The following IPO7 variants were observed in gnomAD, a reference collection of about 807,000 sequenced individuals.
IPO7 encodes the protein importin-7.
IPO7 carries 13 observed loss-of-function variants against 136.4 expected under a neutral mutation model. That is an observed-to-expected ratio of 0.10 (90% confidence interval 0.06 to 0.15). The LOEUF (loss-of-function observed/expected upper bound fraction) is 0.15. IPO7 is among the 10% of genes least tolerant of loss of function. The pLI is 1.00. For synonymous variants in IPO7, 403 were observed against 404.4 expected, an observed-to-expected ratio of 1.00 and a Z score of 0.04; for missense variants, 857 against 1,240.6, an observed-to-expected ratio of 0.69 and a Z score of 4.65.
In IPO7 at chr11:9,430,575, A is replaced by G. The variant is rs200664040; in HGVS notation, c.1753-300A>G. On this transcript the variant is annotated intron_variant, in intron 15 of 24. Coordinates refer to ENST00000379719, the MANE Select transcript of IPO7 (RefSeq NM_006391.3). ...GTGTTAACCAGTAATATTAATGAAA[A>G]CTATTCATAATATTAAGTACTTTTT... is the stretch of plus-strand genomic sequence containing the variant. 92 of 250,862 alleles carry G rather than the reference A, an allele frequency of 3.7e-4. No homozygotes were observed. The East Asian group carries it at 7.4e-3, about 20-fold the overall frequency. 15.5% of individuals were successfully genotyped at this position (250,862 alleles called of 1,614,324 possible).
intron 1 of IPO7, among the ~76,000 whole-genome samples, chr11:9,385,749 T>C (rs898668016): frequency 6.6e-5 from 10 of 152,150 alleles, no homozygotes; most frequent in Admixed American, 5.9e-4. Flanking sequence ...CCATATTTTG[T>C]GGGGACCGCT....
At position 9,417,089 on chromosome 11, in the gene IPO7, C is replaced by G; in HGVS notation, c.667C>G (p.Gln223Glu). The change falls in exon 6 of 25, where the codon CAG (glutamine) becomes GAG (glutamate). Residue 223 changes from glutamine (Q) to glutamate (E), a missense_variant. Gln to Glu is a conservative substitution (Grantham distance 29, BLOSUM62 2). Around this residue, in one of 11 missense-constraint regions of IPO7, gnomAD observed 287 missense variants for 307.5 expected, o/e 0.93. Coordinates refer to ENST00000379719, the MANE Select transcript of IPO7 (RefSeq NM_006391.3). ...ACTACCACTGGAACTGATAAACCAA[C>G]AGAACCTGACAGAATGGATAGAAAT... is the stretch of plus-strand genomic sequence containing the variant. The part of the protein sequence containing the change: ...YTLPLELINQ[Q>E]NLTEWIEILK... 1 of 1,563,748 alleles carries G rather than the reference C, an allele frequency of 6.4e-7. No individual in the cohort carries two copies. The highest frequency in any genetic ancestry group is 8.8e-7 in the Non-Finnish European group (1 of 1,135,956).
intron 20 of IPO7, 147 bp from the exon 21 acceptor site, chr11:9,437,607 G>C: frequency 1.6e-6 from 1 of 641,120 alleles, no homozygotes; most frequent in Non-Finnish European, 2.7e-6. Context: ...TCTAAAATTA[G>C]ATTTCCCAGT....
chr11:9,414,619 C>CTTTTTTTTTTTTTTTTT lies in IPO7; in HGVS notation c.636+219_636+235dup, dbSNP rs1164303193. ...AAATACATAAACAACCCTAATGAATCTTTTTTTTTTTTTTTTTTTTTTTTT... is the reference window on the plus strand; with the variant it reads ...AAATACATAAACAACCCTAATGAATCTTTTTTTTTTTTTTTTTTTTTTTTTTTTTTTTTTTTTTTTTT... On this transcript the variant is annotated intron_variant, in intron 5 of 24. Transcript: ENST00000379719. 2.0e-4 allele frequency: 14 copies of CTTTTTTTTTTTTTTTTT among 71,068 alleles called. 4 individuals are homozygous for CTTTTTTTTTTTTTTTTT. Among genetic ancestry groups the CTTTTTTTTTTTTTTTTT allele is most frequent in the Non-Finnish European group, 2.9e-4 (11 of 38,222 alleles). The allele number at this position is 71,068 out of a possible 1,614,324, so 4.4% of individuals were successfully genotyped here.
intron 22 of IPO7, among the ~76,000 whole-genome samples, chr11:9,439,111 G>GT (rs1855425175): frequency 1.3e-5 from 2 of 151,840 alleles, no homozygotes; most frequent in South Asian, 2.1e-4. Flanking sequence ...CCAGTTTTTT[G>GT]TTTTTTGGCT....
chr11:9,403,967 T>C (rs1256631247), intron 2 of IPO7, among the ~76,000 whole-genome samples: 1 of 152,152 alleles, frequency 6.6e-6, no homozygotes, highest in African/African-American at 2.4e-5. Context: ...GTTCAAGCGA[T>C]TCTTCTGCCT....
chr11:9,400,252 A>G (rs1223978085), intron 1 of IPO7, among the ~76,000 whole-genome samples: 1 of 152,074 alleles, frequency 6.6e-6, no homozygotes, highest in Admixed American at 6.6e-5. Flanking sequence ...TGGATTTGAA[A>G]CCCACAGATA....
Position 9,423,763 on chromosome 11 carries a change from C to T in IPO7, c.1042-14C>T, listed in dbSNP as rs560806168. On this transcript the variant is annotated splice_polypyrimidine_tract_variant and intron_variant, in intron 9 of 24. Transcript: ENST00000379719. ...AAACTGATGGTTATTGTTTTCTTAA[C>T]TTTTAAATTGCAGGGCATTATCCAA... 6.6e-7 allele frequency: 1 copy of T among 1,508,576 alleles called. No individual in the cohort carries two copies. The highest frequency in any genetic ancestry group is 9.0e-7 in the Non-Finnish European group (1 of 1,106,756). The allele number at this position is 1,508,576 out of a possible 1,614,324, so 93.4% of individuals were successfully genotyped here.
Position 9,442,063 on chromosome 11 carries a change from G to C in IPO7, c.2903-18G>C. ...CTCTTATTCATGTTGTTTTTCCCTTGTTTTTATTTTTTGATAGCTATTCAA... is the reference window on the plus strand; with the variant it reads ...CTCTTATTCATGTTGTTTTTCCCTTCTTTTTATTTTTTGATAGCTATTCAA... On this transcript the variant is annotated intron_variant, in intron 23 of 24. Transcript: ENST00000379719. The C allele has an allele frequency of 8.1e-7, 1 of 1,234,496 alleles. No homozygotes were observed. Among genetic ancestry groups the C allele is most frequent in the Non-Finnish European group, 1.2e-6 (1 of 836,090 alleles). The allele number at this position is 1,234,496 out of a possible 1,614,324, so 76.5% of individuals were successfully genotyped here. A position where few individuals can be genotyped will look rare whatever the true frequency, so the allele number is the denominator to read the frequency against.
chr11:9,439,628 A>G (rs1382505830), intron 22 of IPO7, among the ~76,000 whole-genome samples: 2 of 150,624 alleles, frequency 1.3e-5, no homozygotes, highest in Non-Finnish European at 3.0e-5. Flanking sequence ...GCCAAGCTGG[A>G]GTGCAATGGC....
At chr11:9,389,247 C>T (rs1204504794) in intron 1 of IPO7, among the ~76,000 whole-genome samples, 1 of 152,042 alleles carries the variant, frequency 6.6e-6, no homozygotes, top group African/African-American at 2.4e-5. Flanking sequence ...CGGGGTTTCG[C>T]CACATTGCCC....
Position 9,408,648 on chromosome 11 carries a change from T to G in IPO7, c.320+9T>G. 1 of 1,539,782 alleles carries G rather than the reference T, an allele frequency of 6.5e-7. No homozygotes were observed. The highest frequency in any genetic ancestry group is 8.7e-7 in the Non-Finnish European group (1 of 1,146,520). Reference sequence around the variant, plus strand: ...TCTCCTGAGCTCATCAGGTATGTATTTTTAAAATTTACCCATTTCTGCAGG... The same window carrying G: ...TCTCCTGAGCTCATCAGGTATGTATGTTTAAAATTTACCCATTTCTGCAGG... On this transcript the variant is annotated intron_variant, in intron 3 of 24. Transcript: ENST00000379719.
At chr11:9,428,703 C>T in intron 13 of IPO7, 74 bp downstream of exon 13, 2 of 855,982 alleles carry the variant, frequency 2.3e-6, no homozygotes, top group South Asian at 1.3e-5. Context: ...TATATTGAAA[C>T]TTTTAAATGT....
chr11:9,397,515 G>C (rs1854732755), intron 1 of IPO7, among the ~76,000 whole-genome samples: 1 of 150,444 alleles, frequency 6.6e-6, no homozygotes. Context: ...ACGGGTGTGA[G>C]CCACTGTGCT....
chr11:9,384,728 C>T lies in IPO7; in HGVS notation c.-36C>T. The T allele has an allele frequency of 2.6e-6, 4 of 1,532,350 alleles. No individual in the cohort carries two copies. The highest frequency in any genetic ancestry group is 2.4e-5 in the East Asian group (1 of 41,032). The allele number at this position is 1,532,350 out of a possible 1,614,324, so 94.9% of individuals were successfully genotyped here. Reference sequence around the variant, plus strand: ...AGTGGCGCTATTCCTGGCCCAGTAGCACCCGAGCCCCGGGTTTGACCGAGT... The same window carrying T: ...AGTGGCGCTATTCCTGGCCCAGTAGTACCCGAGCCCCGGGTTTGACCGAGT... On this transcript the variant is annotated 5_prime_UTR_variant, in exon 1 of 25. Coordinates refer to ENST00000379719, the MANE Select transcript of IPO7 (RefSeq NM_006391.3).
In IPO7 at chr11:9,384,757, C is replaced by T; in HGVS notation, c.-7C>T. On this transcript the variant is annotated 5_prime_UTR_variant, in exon 1 of 25. Coordinates refer to ENST00000379719, the MANE Select transcript of IPO7 (RefSeq NM_006391.3). ...CGAGCCCCGGGTTTGACCGAGTCCG[C>T]GCTGCGATGGACCCCAACACCATTA... 6.3e-7 allele frequency: 1 copy of T among 1,595,702 alleles called. No homozygotes were observed. The highest frequency in any genetic ancestry group is 8.5e-7 in the Non-Finnish European group (1 of 1,171,090).
intron 23 of IPO7, 110 bp downstream of exon 23, chr11:9,440,771 G>C (rs117648645): frequency 2.4e-6 from 2 of 850,712 alleles, no homozygotes; most frequent in Non-Finnish European, 3.8e-6. Context: ...ACTAGAAAAG[G>C]CTGGTTAGGC....
At chr11:9,386,149 G>C (rs145012959) in intron 1 of IPO7, among the ~76,000 whole-genome samples, 1,702 of 152,304 alleles carry the variant, frequency 0.011, 43 homozygotes, top group African/African-American at 0.038. Context: ...GGAACTTACA[G>C]TTCAAGAAGA....
Position 9,437,826 on chromosome 11 carries a change from A to G in IPO7, c.2341A>G (p.Met781Val), listed in dbSNP as rs1171590774. 1 of 1,614,074 alleles carries G rather than the reference A, an allele frequency of 6.2e-7. No homozygotes were observed. The highest frequency in any genetic ancestry group is 8.5e-7 in the Non-Finnish European group (1 of 1,179,946). ...REVKTSELRT[M>V]CLQVAIAALY... ...GGTTAAGACAAGTGAACTTCGAACT[A>G]TGTGTCTGCAAGTTGCAATTGCAGC... The change falls in exon 21 of 25, where the codon ATG becomes GTG. Residue 781 changes from methionine (M) to valine (V), a missense_variant. This residue lies in a region of IPO7 where 190 missense variants were observed against 249.0 expected (regional missense o/e 0.76). Coordinates refer to ENST00000379719, the MANE Select transcript of IPO7 (RefSeq NM_006391.3).
Sources: gnomAD v4.1 joint callset for allele counts (sites outside exome capture counted in the v4.1 genomes callset) on GRCh38, gnomAD v4.1.1 for gene constraint, gnomAD v4.1.1 regional missense constraint, MANE v1.5 for transcripts, NCBI Gene and HGNC (gene_info 2026-07-23, HGNC 2026-07-21) for gene names.